BTG4: variants seen among roughly 807,000 people sequenced by gnomAD.
BTG4 encodes protein BTG4.
In BTG4, 10 loss-of-function variants were observed where a neutral mutation model predicts 19.3. The observed-to-expected ratio is 0.52, with a 90% CI of 0.32 to 0.88. The LOEUF (loss-of-function observed/expected upper bound fraction) is 0.88, where lower values mean the gene tolerates loss of function less well. Among genes scored for constraint, BTG4 ranks in the 40% least tolerant of loss-of-function variants. BTG4 has a pLI of 0.04. For synonymous variants in BTG4, 91 were observed against 95.7 expected (o/e 0.95, Z 0.29); for missense variants, 238 against 281.9 (o/e 0.84, Z 1.11).
chr11:111,481,150 A>G lies in BTG4; in HGVS notation c.663-13469T>C, dbSNP rs188748128. On this transcript the variant is annotated intron_variant, in intron 5 of 5. Coordinates refer to the BTG4 transcript ENST00000356018. Reference sequence around the variant, plus strand: ...CAGACACCAAAAGGATAATAAGGAAACACTATAAACAACTCCACATGCATA... The same window carrying G: ...CAGACACCAAAAGGATAATAAGGAAGCACTATAAACAACTCCACATGCATA... 1.4e-3 allele frequency among the ~76,000 whole-genome samples: 215 copies of G among 152,084 alleles called. 1 individual carries two copies. The highest frequency in any genetic ancestry group is 4.8e-3 in the African/African-American group (198 of 41,544).
At chr11:111,418,643 C>T in the BTG4 span, among the ~76,000 whole-genome samples, 1 of 152,150 alleles carries the variant, frequency 6.6e-6, no homozygotes, top group Non-Finnish European at 1.5e-5. Context: ...AGTAGAAACA[C>T]TCTATTTACT....
chr11:111,492,475 T>G (rs1368674176), downstream of BTG4, among the ~76,000 whole-genome samples: 2 of 152,240 alleles, frequency 1.3e-5, no homozygotes, highest in African/African-American at 4.8e-5. Flanking sequence ...AACACAATAC[T>G]TCTTACTCTG....
At chr11:111,390,485 G>A in the BTG4 span, among the ~76,000 whole-genome samples, 1 of 152,130 alleles carries the variant, frequency 6.6e-6, no homozygotes. Flanking sequence ...ATTCAGAAAA[G>A]CATTTCTAAA....
At chr11:111,435,762 C>G in the BTG4 span, among the ~76,000 whole-genome samples, 11,275 of 152,218 alleles carry the variant, frequency 0.074, 563 homozygotes, top group Middle Eastern at 0.16. Flanking sequence ...AGGGTGAGGC[C>G]ACAGCCAGAT....
chr11:111,506,336 T>C (rs1866454150), intron 1 of BTG4, among the ~76,000 whole-genome samples: 1 of 151,998 alleles, frequency 6.6e-6, no homozygotes, highest in Non-Finnish European at 1.5e-5. Context: ...TGCAGCAACA[T>C]GGATGGAGCT....
At chr11:111,468,155 C>A (rs1789357) in intron 5 of BTG4, among the ~76,000 whole-genome samples, 1 of 152,086 alleles carries the variant, frequency 6.6e-6, no homozygotes, top group African/African-American at 2.4e-5. Context: ...TTATACTTGA[C>A]TAGTAGGTTG....
the BTG4 span, chr11:111,417,308 C>T: frequency 4.0e-5 from 6 of 151,144 alleles, no homozygotes; most frequent in Non-Finnish European, 3.0e-5. Context: ...CTTCTCTCTT[C>T]CTCTTCCTCT....
the BTG4 span, chr11:111,417,322 TGTC>T: frequency 6.6e-6 from 1 of 152,366 alleles, no homozygotes; most frequent in Non-Finnish European, 1.5e-5. Context: ...TTCCTCTTCC[TGTC>T]CCCTCTTTGC....
chr11:111,447,574 G>A, the BTG4 span, among the ~76,000 whole-genome samples: 5 of 152,252 alleles, frequency 3.3e-5, no homozygotes, highest in East Asian at 5.8e-4. Context: ...TTATGCACAC[G>A]CATGCACACA....
At chr11:111,471,375 C>T (rs189825868) in intron 5 of BTG4, among the ~76,000 whole-genome samples, 20 of 152,268 alleles carry the variant, frequency 1.3e-4, no homozygotes, top group African/African-American at 4.6e-4. Flanking sequence ...TAATCCAGAC[C>T]ACAGAATTCT....
the BTG4 span, among the ~76,000 whole-genome samples, chr11:111,418,510 A>T: frequency 1.3e-5 from 2 of 152,170 alleles, no homozygotes; most frequent in African/African-American, 4.8e-5. Flanking sequence ...CAGTGAAGTG[A>T]TCCTCATGTC....
the BTG4 span, among the ~76,000 whole-genome samples, chr11:111,389,105 G>A: frequency 2.8e-4 from 42 of 152,316 alleles, no homozygotes; most frequent in East Asian, 6.5e-3. Context: ...TCCAACATGC[G>A]AAGGCAAGTC....
At chr11:111,477,505 G>A (rs1864465465) in intron 5 of BTG4, among the ~76,000 whole-genome samples, 1 of 152,114 alleles carries the variant, frequency 6.6e-6, no homozygotes, top group African/African-American at 2.4e-5. Context: ...TTCTATCTTT[G>A]AGGAAGATGG....
chr11:111,462,102 A>C, the BTG4 span: 3 of 152,664 alleles, frequency 2.0e-5, no homozygotes, highest in Admixed American at 6.5e-5. Flanking sequence ...TCTCTTTGAA[A>C]GTTTGGAGTC....
chr11:111,446,547 T>C, the BTG4 span, among the ~76,000 whole-genome samples: 1 of 152,042 alleles, frequency 6.6e-6, no homozygotes, highest in African/African-American at 2.4e-5. Context: ...ACAGGAACGT[T>C]TTGGAATTGT....
chr11:111,450,373 C>T, the BTG4 span: 5 of 152,838 alleles, frequency 3.3e-5, no homozygotes, highest in African/African-American at 7.2e-5. Context: ...TTCCCCACCA[C>T]GTGCTGTGGG....
the BTG4 span, among the ~76,000 whole-genome samples, chr11:111,453,740 T>G: frequency 1.3e-5 from 2 of 152,212 alleles, no homozygotes; most frequent in African/African-American, 4.8e-5. Flanking sequence ...GTACTGTATG[T>G]CATAACACTG....
the BTG4 span, among the ~76,000 whole-genome samples, chr11:111,389,288 T>A: frequency 7.9e-5 from 12 of 151,920 alleles, no homozygotes; most frequent in African/African-American, 2.9e-4. Flanking sequence ...TAAATAGAAA[T>A]GTCAGTGTAG....
At chr11:111,510,469 A>G (rs937777659) in intron 1 of BTG4, among the ~76,000 whole-genome samples, 1 of 152,162 alleles carries the variant, frequency 6.6e-6, no homozygotes, top group African/African-American at 2.4e-5. Flanking sequence ...AACAAATGCA[A>G]TCCTCTGTGT....
Sources: gnomAD v4.1 joint callset for allele counts (sites outside exome capture counted in the v4.1 genomes callset) on GRCh38, gnomAD v4.1.1 for gene constraint, MANE v1.5 for transcripts, NCBI Gene and HGNC (gene_info 2026-07-23, HGNC 2026-07-21) for gene names.